Variants in GPM6A observed in about 807,000 individuals in gnomAD.
The protein encoded by GPM6A is glycoprotein M6A.
Under a neutral mutation model 32.1 loss-of-function variants are expected in GPM6A, and 7 were observed. That is an observed-to-expected ratio of 0.22 (90% confidence interval 0.12 to 0.41). The LOEUF (loss-of-function observed/expected upper bound fraction) is 0.41. Among genes scored for constraint, GPM6A ranks in the 10% least tolerant of loss-of-function variants. The probability of loss-of-function intolerance (pLI) is 1.00; values close to 1 mark genes in which losing one functional copy is unlikely to be tolerated. For missense variants in GPM6A, 235 were observed against 347.2 expected, an observed-to-expected ratio of 0.68 and a Z score of 2.57; for synonymous variants, 130 against 123.4, an observed-to-expected ratio of 1.05 and a Z score of -0.35.
chr4:175,860,487 A>G (rs1464498188), intron 1 of GPM6A, among the ~76,000 whole-genome samples: 1 of 152,182 alleles, frequency 6.6e-6, no homozygotes, highest in Non-Finnish European at 1.5e-5. Context: ...AATTACCAAA[A>G]TTCACTCAAG....
intron 1 of GPM6A, among the ~76,000 whole-genome samples, chr4:175,801,287 A>T (rs1319282626): frequency 1.3e-5 from 2 of 152,118 alleles, no homozygotes; most frequent in Non-Finnish European, 2.9e-5. Context: ...TGAAATCAGG[A>T]TCACGTTAAA....
chr4:175,637,273 ATT>A (rs2110868419), intron 6 of GPM6A, among the ~76,000 whole-genome samples: 1 of 51,296 alleles, frequency 1.9e-5, no homozygotes, highest in Admixed American at 4.1e-4. Context: ...TATATTATAT[ATT>A]ATATATTATA....
intron 1 of GPM6A, among the ~76,000 whole-genome samples, chr4:175,888,515 A>G (rs561133771): frequency 9.1e-4 from 139 of 152,214 alleles, no homozygotes; most frequent in African/African-American, 3.2e-3. Flanking sequence ...ATCCGAAAGA[A>G]CACACATTAT....
chr4:175,680,665 G>T (rs1743632194), intron 2 of GPM6A, among the ~76,000 whole-genome samples: 1 of 152,084 alleles, frequency 6.6e-6, no homozygotes, highest in Non-Finnish European at 1.5e-5. Context: ...CTATACAAAA[G>T]ACATATCCAG....
chr4:175,974,764 C>A (rs989008821), intron 1 of GPM6A, among the ~76,000 whole-genome samples: 1 of 151,882 alleles, frequency 6.6e-6, no homozygotes. Flanking sequence ...CTCACGGCAG[C>A]CTCAACATTC....
chr4:175,929,216 CTAAT>C (rs1201187362), intron 1 of GPM6A, among the ~76,000 whole-genome samples: 4 of 152,194 alleles, frequency 2.6e-5, no homozygotes, highest in Non-Finnish European at 5.9e-5. Context: ...TTTTAGAACT[CTAAT>C]TACTTTTTTC....
At position 175,649,457 on chromosome 4, in the gene GPM6A, A is replaced by G. The variant is rs1340311447; in HGVS notation, c.541+2377T>C. On this transcript the variant is annotated intron_variant, in intron 4 of 6. Coordinates refer to ENST00000393658, the MANE Select transcript of GPM6A (RefSeq NM_201591.3). ...TCCTTTAGAAAACAAACTTGGGGAA[A>G]TTTTAAATATTATTTTTCTAGAGTC... Among the ~76,000 whole-genome samples, 46 of 152,164 alleles carry G rather than the reference A, an allele frequency of 3.0e-4. 1 individual carries two copies. Among genetic ancestry groups the G allele is most frequent in the Admixed American group, 3.0e-3 (46 of 15,264 alleles).
chr4:175,764,080 T>C (rs1162408900), intron 1 of GPM6A, among the ~76,000 whole-genome samples: 1 of 152,230 alleles, frequency 6.6e-6, no homozygotes, highest in African/African-American at 2.4e-5. Flanking sequence ...GGTGCATTCA[T>C]GATGTTATAT....
At chr4:175,881,864 T>C (rs1454546165) in intron 1 of GPM6A, among the ~76,000 whole-genome samples, 3 of 151,856 alleles carry the variant, frequency 2.0e-5, no homozygotes, top group Non-Finnish European at 4.4e-5. Context: ...GGGGGAGGGA[T>C]AGCATTAAGA....
At chr4:175,883,226 C>T (rs1321990284) in intron 1 of GPM6A, among the ~76,000 whole-genome samples, 1 of 151,992 alleles carries the variant, frequency 6.6e-6, no homozygotes, top group Non-Finnish European at 1.5e-5. Flanking sequence ...GAGATTGCTT[C>T]TTCTGAAAAT....
chr4:175,898,346 T>A (rs1450870421), intron 1 of GPM6A, among the ~76,000 whole-genome samples: 1 of 152,174 alleles, frequency 6.6e-6, no homozygotes, highest in Non-Finnish European at 1.5e-5. Flanking sequence ...CTGACCTACT[T>A]CTGTTTTTGA....
chr4:175,670,208 T>C (rs1316795950), intron 3 of GPM6A, among the ~76,000 whole-genome samples: 2 of 152,224 alleles, frequency 1.3e-5, no homozygotes, highest in Non-Finnish European at 2.9e-5. Flanking sequence ...AATACATTTA[T>C]TGAAAATTCC....
exon 1 of GPM6A, chr4:176,002,317 C>T (rs1741511972): frequency 6.3e-7 from 1 of 1,594,848 alleles, no homozygotes; most frequent in Non-Finnish European, 8.5e-7. Context: ...ACCCATGGCC[C>T]GAGGTCCTGC....
chr4:175,998,038 T>G (rs749456172), intron 1 of GPM6A, among the ~76,000 whole-genome samples: 2 of 152,352 alleles, frequency 1.3e-5, no homozygotes, highest in South Asian at 4.1e-4. Context: ...TCACTAAAGG[T>G]TGGTAACCCT....
At chr4:175,702,521 C>T (rs10010566) in intron 1 of GPM6A, among the ~76,000 whole-genome samples, 150,371 of 152,286 alleles carry the variant, frequency 0.99, 74,265 homozygotes, top group Middle Eastern at 1. Context: ...GAACTGTTTT[C>T]TTTCCTTTAT....
intron 1 of GPM6A, among the ~76,000 whole-genome samples, chr4:175,793,189 A>G (rs1459218314): frequency 1.3e-5 from 2 of 152,132 alleles, no homozygotes; most frequent in Admixed American, 6.5e-5. Context: ...CAAAAAATTA[A>G]TAATAACTGC....
intron 1 of GPM6A, among the ~76,000 whole-genome samples, chr4:175,722,247 A>G (rs1385318847): frequency 6.6e-6 from 1 of 152,040 alleles, no homozygotes; most frequent in Non-Finnish European, 1.5e-5. Context: ...CTGTGATCTC[A>G]CCACTGCACT....
At chr4:175,650,452 G>A (rs1741736825) in intron 4 of GPM6A, among the ~76,000 whole-genome samples, 1 of 151,920 alleles carries the variant, frequency 6.6e-6, no homozygotes, top group Admixed American at 6.6e-5. Flanking sequence ...CTACAGGCAT[G>A]TGCCACCATG....
At chr4:175,945,180 C>T (rs1739550829) in intron 1 of GPM6A, among the ~76,000 whole-genome samples, 1 of 151,964 alleles carries the variant, frequency 6.6e-6, no homozygotes, top group Non-Finnish European at 1.5e-5. Flanking sequence ...CAGAATGAAA[C>T]AATATAAATT....
Sources: allele counts gnomAD v4.1 joint callset (sites outside exome capture counted in the v4.1 genomes callset), GRCh38; gene constraint gnomAD v4.1.1; transcripts MANE v1.5; gene names NCBI Gene and HGNC (gene_info 2026-07-23, HGNC 2026-07-21).